Variants in TUBGCP2 observed in about 807,000 individuals in gnomAD.
TUBGCP2 encodes the protein gamma-tubulin complex component 2.
A neutral mutation model predicts 92.2 loss-of-function variants in TUBGCP2; 55 were observed. The observed-to-expected ratio is 0.60, with a 90% CI of 0.48 to 0.75. TUBGCP2 has a LOEUF of 0.75. Among genes scored for constraint, TUBGCP2 ranks in the 30% least tolerant of loss-of-function variants. The pLI is 0.00. For missense variants in TUBGCP2, 1,093 were observed against 1,188.9 expected, an observed-to-expected ratio of 0.92 and a Z score of 1.19; for synonymous variants, 533 against 505.2, an observed-to-expected ratio of 1.06 and a Z score of -0.74.
upstream of TUBGCP2, chr10:133,309,349 G>A (rs200301443): frequency 9.4e-6 from 15 of 1,593,574 alleles, no homozygotes; most frequent in Middle Eastern, 2.0e-4. Flanking sequence ...TGGGCGTGCC[G>A]CGAGTCACCT....
chr10:133,298,168 C>A, intron 4 of TUBGCP2, 57 bp from the exon 5 acceptor site: 2 of 1,555,496 alleles, frequency 1.3e-6, no homozygotes, highest in Non-Finnish European at 1.8e-6. Flanking sequence ...CGCAAACACT[C>A]AACTAAAGAC....
intron 8 of TUBGCP2, among the ~76,000 whole-genome samples, chr10:133,291,276 CCT>C (rs1424224990): frequency 4.2e-5 from 4 of 95,682 alleles, no homozygotes; most frequent in African/African-American, 1.9e-4. Flanking sequence ...CCCCCATGTC[CCT>C]CCGTGTCCCT....
Position 133,293,079 on chromosome 10 carries a change from G to C in TUBGCP2, c.984C>G (p.Ile328Met). The C allele has an allele frequency of 6.2e-7, 1 of 1,613,728 alleles. No individual in the cohort carries two copies. Among genetic ancestry groups the C allele is most frequent in the Non-Finnish European group, 8.5e-7 (1 of 1,180,042 alleles). ...TGTCCATGGTGCGCATGGCTGGCTG[G>C]ATGTAGAACCAGAGCTTCTGCAGCG... is the stretch of plus-strand genomic sequence containing the variant. Reference protein sequence around the residue: ...LLSLQKLWFYIQPAMRTMDIL... With the variant: ...LLSLQKLWFYMQPAMRTMDIL... The change falls in exon 7 of 18, where the codon ATC (isoleucine) becomes ATG (methionine). Residue 328 changes from isoleucine (I) to methionine (M), a missense_variant. Around this residue, in one of 3 missense-constraint regions of TUBGCP2, gnomAD observed 490 missense variants for 488.5 expected, o/e 1.00. Transcript: ENST00000252936.
chr10:133,302,751 G>A (rs1847702202), intron 2 of TUBGCP2, 41 bp downstream of exon 2: 2 of 1,610,176 alleles, frequency 1.2e-6, no homozygotes, highest in Non-Finnish European at 1.7e-6. Flanking sequence ...CCCAGGAACA[G>A]TGCTCACCCT....
At chr10:133,291,074 T>G in intron 8 of TUBGCP2, 1 of 232,788 alleles carries the variant, frequency 4.3e-6, no homozygotes, top group Non-Finnish European at 8.5e-6. Context: ...AAGGACCTAA[T>G]TGGAGGCAAT....
rs530802443 is a variant in TUBGCP2, at chr10:133,287,046, C to T, written c.1722+1083G>A. On this transcript the variant is annotated intron_variant, in intron 11 of 17. Transcript: ENST00000252936. ...TGGTTCTTTGAAAAGATAATGAAAT[C>T]GACAAATTTCTAGCTACATCAGCTA... is the stretch of plus-strand genomic sequence containing the variant. Among the ~76,000 whole-genome samples the T allele has an allele frequency of 2.0e-5, 3 of 152,092 alleles. No individual in the cohort carries two copies. In the East Asian group the frequency reaches 5.8e-4, roughly 29 times the overall value.
At chr10:133,287,874 A>G (rs2995329) in intron 11 of TUBGCP2, among the ~76,000 whole-genome samples, 137,019 of 152,310 alleles carry the variant, frequency 0.9, 61,733 homozygotes, top group East Asian at 0.94. Flanking sequence ...ACAATTCCAC[A>G]AGGCCAGCAT....
rs1481604873 is a variant in TUBGCP2, at chr10:133,284,003, C to G, written c.2025-1G>C. 1.2e-6 allele frequency: 2 copies of G among 1,613,270 alleles called. No homozygotes were observed. The highest frequency in any genetic ancestry group is 1.3e-5 in the African/African-American group (1 of 74,912). On this transcript the variant is annotated splice_acceptor_variant, in intron 13 of 17. Transcript: ENST00000252936. LOFTEE classifies it high-confidence loss of function. ...CCGCAGAGTGAAAGCCCCAGCAAAC[C>G]TGAGTGACACGGAGGACGGAGGACA...
chr10:133,292,653 A>AC lies in TUBGCP2; in HGVS notation c.1059dup (p.Ser354ValfsTer53), dbSNP rs1034028742. On this transcript the variant is annotated frameshift_variant, in exon 8 of 18. Transcript: ENST00000252936. LOFTEE classifies it high-confidence loss of function. ...CTGTCGTGGAGCAGGCTCAGCGTGGACCCCCCAAGACATTCGCCTTTGTCC... is the reference window on the plus strand; with the variant it reads ...CTGTCGTGGAGCAGGCTCAGCGTGGACCCCCCCAAGACATTCGCCTTTGTCC... 1.2e-6 allele frequency: 2 copies of AC among 1,613,542 alleles called. No homozygotes were observed. Among genetic ancestry groups the AC allele is most frequent in the Non-Finnish European group, 1.7e-6 (2 of 1,179,890 alleles).
At chr10:133,298,465 T>G (rs1847543193) in intron 4 of TUBGCP2, among the ~76,000 whole-genome samples, 1 of 152,248 alleles carries the variant, frequency 6.6e-6, no homozygotes, top group Non-Finnish European at 1.5e-5. Context: ...CAAGCTGAAT[T>G]GCTTCTTTCT....
chr10:133,280,678 C>G (rs1225735330), intron 17 of TUBGCP2, among the ~76,000 whole-genome samples: 1 of 152,240 alleles, frequency 6.6e-6, no homozygotes, highest in Non-Finnish European at 1.5e-5. Context: ...AGCACCAGGA[C>G]ACAGACCTGC....
rs1341894470 is a variant in TUBGCP2 at position 133,282,469 on chromosome 10, A to G, written c.2290-127T>C. ...TGTAGCCTGCGGCTGGGGGTACACAAGCATCTCTGAGGCTGCAGGGGAAAT... is the reference window on the plus strand; with the variant it reads ...TGTAGCCTGCGGCTGGGGGTACACAGGCATCTCTGAGGCTGCAGGGGAAAT... On this transcript the variant is annotated intron_variant, in intron 15 of 17. Coordinates refer to ENST00000252936, the MANE Select transcript of TUBGCP2 (RefSeq NM_006659.4). 9.3e-6 allele frequency: 12 copies of G among 1,286,478 alleles called. No homozygotes were observed. The Admixed American group carries it at 1.3e-4, about 14-fold the overall frequency. The allele number at this position is 1,286,478 out of a possible 1,614,324, so 79.7% of individuals were successfully genotyped here. A position where few individuals can be genotyped will look rare whatever the true frequency, so the allele number is the denominator to read the frequency against.
At chr10:133,311,967 C>T (rs749585129), upstream of TUBGCP2, 15 of 1,610,922 alleles carry the variant, frequency 9.3e-6, no homozygotes, top group Admixed American at 3.3e-5. Context: ...GTAAGAAAAT[C>T]GGCTTCCGCC....
chr10:133,282,151 C>T (rs995199988), intron 16 of TUBGCP2, 72 bp downstream of exon 16: 4 of 1,603,624 alleles, frequency 2.5e-6, no homozygotes, highest in South Asian at 2.2e-5. Flanking sequence ...GTTCTCCCTG[C>T]GTCAGGATGC....
intron 8 of TUBGCP2, chr10:133,290,558 A>G (rs1847259939): frequency 6.6e-6 from 1 of 152,388 alleles, no homozygotes; most frequent in Non-Finnish European, 1.5e-5. Flanking sequence ...GGAACGGAGT[A>G]TTTAACCTGG....
At chr10:133,309,226 A>G (rs12253765), upstream of TUBGCP2, 38 of 886,468 alleles carry the variant, frequency 4.3e-5, no homozygotes, top group African/African-American at 4.7e-4. Flanking sequence ...GACAGGCGGG[A>G]CCTGAGGTGG....
At chr10:133,279,953 G>T (rs761174245) in intron 17 of TUBGCP2, 52 bp from the exon 18 acceptor site, 1 of 1,584,796 alleles carries the variant, frequency 6.3e-7, no homozygotes, top group Non-Finnish European at 8.6e-7. Flanking sequence ...GCGGGTGCAT[G>T]CTGGGCAGCA....
At chr10:133,309,343 C>A (rs1200549788), upstream of TUBGCP2, 7 of 1,585,528 alleles carry the variant, frequency 4.4e-6, no homozygotes, top group Non-Finnish European at 5.1e-6. Context: ...ACGCGGTGGG[C>A]GTGCCGCGAG....
At chr10:133,311,879 A>G (rs200780550), upstream of TUBGCP2, 649 of 1,613,106 alleles carry the variant, frequency 4.0e-4, no homozygotes, top group Non-Finnish European at 5.2e-4. Context: ...CGTTCTCAAC[A>G]TGTGTTCGGT....
Sources: allele counts gnomAD v4.1 joint callset (sites outside exome capture counted in the v4.1 genomes callset), GRCh38; gene constraint gnomAD v4.1.1; regional missense constraint gnomAD v4.1.1; transcripts MANE v1.5; gene names NCBI Gene and HGNC (gene_info 2026-07-23, HGNC 2026-07-21).